LDLRAD4: variants seen among roughly 807,000 people sequenced by gnomAD.
The protein encoded by LDLRAD4 is low-density lipoprotein receptor class A domain-containing protein 4.
LDLRAD4 carries 5 observed loss-of-function variants against 17.0 expected under a neutral mutation model. The ratio of observed to expected loss-of-function variants is 0.29; its 90% CI spans 0.15 to 0.62. LDLRAD4 has a LOEUF of 0.62. LDLRAD4 is among the 20% of genes least tolerant of loss of function. The probability of loss-of-function intolerance (pLI) is 0.84; values close to 1 mark genes in which losing one functional copy is unlikely to be tolerated. For missense variants in LDLRAD4, 340 were observed against 424.7 expected (o/e 0.80, Z 1.75); for synonymous variants, 168 against 171.8 (o/e 0.98, Z 0.17).
At chr18:13,508,607 A>G (rs1256758686) in intron 3 of LDLRAD4, among the ~76,000 whole-genome samples, 1 of 152,216 alleles carries the variant, frequency 6.6e-6, no homozygotes, top group Non-Finnish European at 1.5e-5. Flanking sequence ...TGCTCTAGAA[A>G]TAGAACAACA....
chr18:13,416,373 G>A (rs914006404), intron 2 of LDLRAD4, among the ~76,000 whole-genome samples: 3 of 152,174 alleles, frequency 2.0e-5, no homozygotes, highest in Non-Finnish European at 4.4e-5. Flanking sequence ...CCTGGCTTTT[G>A]TTTCCAGTTT....
At chr18:13,543,428 G>C (rs1336607619) in intron 3 of LDLRAD4, 1 of 152,192 alleles carries the variant, frequency 6.6e-6, no homozygotes, top group Non-Finnish European at 1.5e-5. Context: ...GTTGACTTTT[G>C]TTTACTGAAG....
intron 2 of LDLRAD4, among the ~76,000 whole-genome samples, chr18:13,412,978 A>C (rs1383784433): frequency 6.6e-6 from 1 of 152,218 alleles, no homozygotes; most frequent in Admixed American, 6.5e-5. Flanking sequence ...GTACGTAGTA[A>C]GGGCAGCGTG....
intron 1 of LDLRAD4, among the ~76,000 whole-genome samples, chr18:13,316,001 G>A (rs1168404486): frequency 6.6e-6 from 1 of 152,134 alleles, no homozygotes; most frequent in African/African-American, 2.4e-5. Context: ...GAGCCACGGA[G>A]ATGTGGAGAA....
At chr18:13,611,623 A>G (rs1209875133) in intron 3 of LDLRAD4, 4 of 985,392 alleles carry the variant, frequency 4.1e-6, no homozygotes, top group East Asian at 1.1e-4. Context: ...ATTGCCTGGG[A>G]TTCTGTTCTC....
At chr18:13,626,441 G>A (rs2041173291) in intron 4 of LDLRAD4, among the ~76,000 whole-genome samples, 1 of 152,142 alleles carries the variant, frequency 6.6e-6, no homozygotes, top group Admixed American at 6.5e-5. Flanking sequence ...GGCCTGTGTG[G>A]ACAGCCCAGG....
intron 4 of LDLRAD4, among the ~76,000 whole-genome samples, chr18:13,636,291 G>A (rs2042075501): frequency 6.6e-6 from 1 of 151,974 alleles, no homozygotes; most frequent in South Asian, 2.1e-4. Flanking sequence ...CGGCCCCTCC[G>A]TATGAGAGGC....
exon 3 of LDLRAD4, chr18:13,438,356 C>T (rs755802486): frequency 2.3e-5 from 37 of 1,613,932 alleles, no homozygotes; most frequent in Non-Finnish European, 2.8e-5. Flanking sequence ...TCCTGGTGAC[C>T]GAGCACCCGC....
intron 3 of LDLRAD4, among the ~76,000 whole-genome samples, chr18:13,567,670 T>A (rs369308979): frequency 5.6e-4 from 86 of 152,258 alleles, no homozygotes; most frequent in African/African-American, 2.0e-3. Flanking sequence ...TGGTTTCCAT[T>A]CATCTGACAG....
At chr18:13,374,359 G>A (rs928234970) in intron 1 of LDLRAD4, among the ~76,000 whole-genome samples, 1 of 152,238 alleles carries the variant, frequency 6.6e-6, no homozygotes, top group East Asian at 1.9e-4. Context: ...AGGAGTGGCT[G>A]TCTGTCCATT....
At chr18:13,348,935 G>T (rs2082874057) in intron 1 of LDLRAD4, among the ~76,000 whole-genome samples, 1 of 152,184 alleles carries the variant, frequency 6.6e-6, no homozygotes, top group South Asian at 2.1e-4. Context: ...GCAGCATTAG[G>T]GTGGGAGAGT....
chr18:13,339,401 C>A (rs1184107197), intron 1 of LDLRAD4, among the ~76,000 whole-genome samples: 1 of 152,004 alleles, frequency 6.6e-6, no homozygotes, highest in Admixed American at 6.6e-5. Context: ...CAGGGTTTCA[C>A]CATGTTGGCC....
At chr18:13,345,514 G>T (rs2082627700) in intron 1 of LDLRAD4, among the ~76,000 whole-genome samples, 1 of 152,180 alleles carries the variant, frequency 6.6e-6, no homozygotes, top group South Asian at 2.1e-4. Flanking sequence ...TTGCATTGAT[G>T]TTCATCAGGG....
intron 2 of LDLRAD4, among the ~76,000 whole-genome samples, chr18:13,415,418 C>T (rs1400198864): frequency 3.3e-5 from 5 of 152,166 alleles, no homozygotes; most frequent in Admixed American, 3.3e-4. Flanking sequence ...GATGATGTGG[C>T]TCTTCTGAAC....
At chr18:13,424,567 A>G (rs949916740) in intron 2 of LDLRAD4, among the ~76,000 whole-genome samples, 7 of 152,150 alleles carry the variant, frequency 4.6e-5, no homozygotes, top group African/African-American at 1.7e-4. Context: ...CAGCAAGGTG[A>G]TTAGCACTGT....
intron 1 of LDLRAD4, among the ~76,000 whole-genome samples, chr18:13,311,204 A>G (rs1176482088): frequency 6.6e-6 from 1 of 152,196 alleles, no homozygotes; most frequent in Non-Finnish European, 1.5e-5. Context: ...AGGACATGTA[A>G]TGGGTGGGAC....
chr18:13,548,933 A>T (rs916438346), intron 3 of LDLRAD4, among the ~76,000 whole-genome samples: 1 of 152,174 alleles, frequency 6.6e-6, no homozygotes, highest in Non-Finnish European at 1.5e-5. Context: ...TACTTTTTTC[A>T]TTTTACCATC....
In LDLRAD4 at chr18:13,645,801, C is replaced by A; in HGVS notation, c.*144C>A. 1 of 544,068 alleles carries A rather than the reference C, an allele frequency of 1.8e-6. No homozygotes were observed. Among genetic ancestry groups the A allele is most frequent in the Non-Finnish European group, 3.0e-6 (1 of 334,628 alleles). The allele number at this position is 544,068 out of a possible 1,614,324, so 33.7% of individuals were successfully genotyped here. ...GCAAACACGGTCTTTGTTTCTGATT[C>A]CTTTTAGGGGAATTGCATGCAAACT... On this transcript the variant is annotated 3_prime_UTR_variant, in exon 6 of 6. Coordinates refer to ENST00000359446, the Ensembl canonical transcript of LDLRAD4. The surrounding 1 kb of genome is among the most constrained non-coding windows in gnomAD (Gnocchi z 5.7).
At chr18:13,401,548 G>T (rs976240699) in intron 2 of LDLRAD4, among the ~76,000 whole-genome samples, 1 of 152,128 alleles carries the variant, frequency 6.6e-6, no homozygotes, top group Non-Finnish European at 1.5e-5. Context: ...TCTCCTGTGC[G>T]TCCCCGAGGC....
Sources: gnomAD v4.1 joint callset for allele counts (sites outside exome capture counted in the v4.1 genomes callset) on GRCh38, gnomAD v4.1.1 for gene constraint, Gnocchi (gnomAD v3.1) non-coding constraint, MANE v1.5 for transcripts, NCBI Gene and HGNC (gene_info 2026-07-23, HGNC 2026-07-21) for gene names.